SPATA1: variants seen among roughly 807,000 people sequenced by gnomAD.
SPATA1 encodes the protein spermatogenesis associated 1.
Under a neutral mutation model 59.6 loss-of-function variants are expected in SPATA1, and 57 were observed. The observed-to-expected ratio is 0.96, with a 90% confidence interval of 0.77 to 1.19. The LOEUF (loss-of-function observed/expected upper bound fraction) is 1.19. SPATA1 is among the 50% of genes most tolerant of loss of function. SPATA1 has a pLI of 0.00. For missense variants in SPATA1, 448 were observed against 480.7 expected (o/e 0.93, Z 0.64); for synonymous variants, 147 against 163.9 (o/e 0.90, Z 0.79).
At chr1:84,566,016 T>C in exon 5 of SPATA1, 1 of 1,511,410 alleles carries the variant, frequency 6.6e-7, no homozygotes, top group Non-Finnish European at 8.8e-7. Flanking sequence ...AGGTTACCTG[T>C]GGAAAAAAAT....
chr1:84,565,414 G>A (rs1684682021), intron 4 of SPATA1, among the ~76,000 whole-genome samples: 1 of 152,142 alleles, frequency 6.6e-6, no homozygotes, highest in African/African-American at 2.4e-5. Context: ...ATCATGCAAT[G>A]AAGGTGCCCA....
chr1:84,560,099 AAG>A (rs1169721408), intron 4 of SPATA1, among the ~76,000 whole-genome samples: 133 of 22,366 alleles, frequency 5.9e-3, no homozygotes, highest in South Asian at 0.033. Context: ...AAAAAAAAAA[AAG>A]AAAGAAAGAA....
At chr1:84,563,908 T>C (rs1684641206) in intron 4 of SPATA1, 8 of 1,440,340 alleles carry the variant, frequency 5.6e-6, no homozygotes, top group Non-Finnish European at 6.4e-6. Context: ...ATGCAACCGT[T>C]CAGAATCTGT....
chr1:84,527,549 AAATAT>A (rs1683275676), intron 6 of SPATA1: 1 of 151,952 alleles, frequency 6.6e-6, no homozygotes, highest in Non-Finnish European at 1.5e-5. Flanking sequence ...CTTATATATA[AAATAT>A]ATTTTTACTT....
intron 1 of SPATA1, among the ~76,000 whole-genome samples, chr1:84,509,984 T>C (rs1682464903): frequency 6.6e-6 from 1 of 152,066 alleles, no homozygotes; most frequent in Admixed American, 6.6e-5. Flanking sequence ...ACCCAGGAGT[T>C]GTATAACAGC....
At chr1:84,555,729 C>T (rs1233139444), downstream of SPATA1, among the ~76,000 whole-genome samples, 1 of 152,194 alleles carries the variant, frequency 6.6e-6, no homozygotes, top group Admixed American at 6.5e-5. Context: ...AATACAGATT[C>T]CTGGGTCCCA....
At chr1:84,514,460 G>T (rs189888469) in intron 1 of SPATA1, among the ~76,000 whole-genome samples, 25 of 152,268 alleles carry the variant, frequency 1.6e-4, no homozygotes, top group Middle Eastern at 3.4e-3. Flanking sequence ...CATTATATCG[G>T]TTAAACAATC....
chr1:84,534,940 CT>C (rs1484212855), intron 8 of SPATA1, among the ~76,000 whole-genome samples: 1 of 152,136 alleles, frequency 6.6e-6, no homozygotes, highest in African/African-American at 2.4e-5. Flanking sequence ...GTCATACCTT[CT>C]CCTCAGACAA....
At chr1:84,519,206 C>G (rs1182996671) in intron 2 of SPATA1, among the ~76,000 whole-genome samples, 2 of 151,574 alleles carry the variant, frequency 1.3e-5, no homozygotes, top group Non-Finnish European at 2.9e-5. Flanking sequence ...AAACTTGGGA[C>G]AAAAGAAAAA....
At chr1:84,561,847 A>G (rs1233006756) in intron 4 of SPATA1, among the ~76,000 whole-genome samples, 1 of 152,226 alleles carries the variant, frequency 6.6e-6, no homozygotes, top group Admixed American at 6.5e-5. Flanking sequence ...TTTTTTAGAC[A>G]TAATGCTATT....
chr1:84,552,963 T>C, intron 12 of SPATA1: 2 of 1,035,906 alleles, frequency 1.9e-6, no homozygotes, highest in Non-Finnish European at 1.4e-6. Context: ...AAACCCTGTT[T>C]ACATGACAAC....
exon 4 of SPATA1, chr1:84,522,413 G>A (rs761366350): frequency 2.7e-6 from 4 of 1,486,936 alleles, no homozygotes; most frequent in South Asian, 2.9e-5. Flanking sequence ...CTTACTTTAC[G>A]AGCCCTGAGG....
intron 8 of SPATA1, among the ~76,000 whole-genome samples, chr1:84,540,427 T>A (rs1683861961): frequency 6.6e-6 from 1 of 152,202 alleles, no homozygotes; most frequent in South Asian, 2.1e-4. Context: ...CTGCTTTTGA[T>A]TTGCTACCTC....
intron 4 of SPATA1, among the ~76,000 whole-genome samples, chr1:84,524,664 G>A (rs780770940): frequency 3.9e-5 from 6 of 152,108 alleles, no homozygotes; most frequent in Non-Finnish European, 8.8e-5. Context: ...CACTTGCCTA[G>A]AAATCACTTC....
chr1:84,515,905 T>A (rs1682775986), intron 1 of SPATA1, among the ~76,000 whole-genome samples: 1 of 152,200 alleles, frequency 6.6e-6, no homozygotes, highest in Non-Finnish European at 1.5e-5. Context: ...ACTAACCAAG[T>A]ATCATAAATT....
At chr1:84,548,127 A>T (rs1047168011) in intron 10 of SPATA1, among the ~76,000 whole-genome samples, 2 of 152,210 alleles carry the variant, frequency 1.3e-5, no homozygotes, top group Non-Finnish European at 2.9e-5. Context: ...ATCTTGAGCT[A>T]AAGTTCCATG....
At position 84,525,869 on chromosome 1, in the gene SPATA1, C is replaced by CT; in HGVS notation, c.342dup (p.Pro115SerfsTer19). 1 of 1,611,766 alleles carries CT rather than the reference C, an allele frequency of 6.2e-7. No individual in the cohort carries two copies. Among genetic ancestry groups the CT allele is most frequent in the Non-Finnish European group, 8.5e-7 (1 of 1,179,176 alleles). ...GGCTCTTCAACCAGAATTATATTTG[C>CT]TTCCTGTAATGGACCATTTAGGAAA... On this transcript the variant is annotated frameshift_variant, in exon 6 of 13. Transcript: ENST00000490879. LOFTEE classifies it high-confidence loss of function.
chr1:84,531,974 T>C (rs1683490243), intron 6 of SPATA1, among the ~76,000 whole-genome samples: 1 of 152,244 alleles, frequency 6.6e-6, no homozygotes, highest in South Asian at 2.1e-4. Flanking sequence ...GCCAGGTTCG[T>C]GTATCTTTTG....
chr1:84,557,486 T>G (rs1684469832), downstream of SPATA1, among the ~76,000 whole-genome samples: 1 of 130,350 alleles, frequency 7.7e-6, no homozygotes, highest in Non-Finnish European at 1.5e-5. Flanking sequence ...TCAGCCGAGA[T>G]CGTGCCACTG....
Sources: allele counts gnomAD v4.1 joint callset (sites outside exome capture counted in the v4.1 genomes callset), GRCh38; gene constraint gnomAD v4.1.1; transcripts MANE v1.5; gene names NCBI Gene and HGNC (gene_info 2026-07-23, HGNC 2026-07-21).